CDH13: variants seen among roughly 807,000 people sequenced by gnomAD.
The protein encoded by CDH13 is cadherin 13.
In CDH13, 24 loss-of-function variants were observed where a neutral mutation model predicts 63.8. The observed-to-expected ratio is 0.38, with a 90% CI of 0.27 to 0.53. The LOEUF is 0.53. Ranked by LOEUF, CDH13 falls within the 20% of genes least tolerant of loss-of-function variation. The pLI, the probability that CDH13 is intolerant of heterozygous loss-of-function variation, is 0.85. For synonymous variants in CDH13, 503 were observed against 355.3 expected (o/e 1.42, Z -4.67); for missense variants, 1,049 against 903.1 (o/e 1.16, Z -2.07).
At chr16:83,202,489 A>G (rs1357840512) in intron 4 of CDH13, among the ~76,000 whole-genome samples, 1 of 152,098 alleles carries the variant, frequency 6.6e-6, no homozygotes, top group African/African-American at 2.4e-5. Flanking sequence ...AGAGTGAGAA[A>G]CCTCAAAGCT....
chr16:82,626,977 A>G lies in CDH13; in HGVS notation c.-116A>G, dbSNP rs1175377912. 4 of 1,167,304 alleles carry G rather than the reference A, an allele frequency of 3.4e-6. No homozygotes were observed. The highest frequency in any genetic ancestry group is 5.0e-6 in the Non-Finnish European group (4 of 797,460). 72.3% of individuals were successfully genotyped at this position (1,167,304 alleles called of 1,614,324 possible). A position where few individuals can be genotyped will look rare whatever the true frequency, so the allele number is the denominator to read the frequency against. ...GATGCTGCTGCTGATCTATTTGGGAAGTTGGCTGGCTGGCGAGGCAGAGCC... is the reference window on the plus strand; with the variant it reads ...GATGCTGCTGCTGATCTATTTGGGAGGTTGGCTGGCTGGCGAGGCAGAGCC... On this transcript the variant is annotated 5_prime_UTR_variant, in exon 1 of 14. Transcript: ENST00000567109.
chr16:83,029,977 G>GC (rs1916154612), intron 2 of CDH13, among the ~76,000 whole-genome samples: 1 of 152,168 alleles, frequency 6.6e-6, no homozygotes, highest in African/African-American at 2.4e-5. Context: ...AGGCAGACAG[G>GC]CAAATGCATG....
chr16:82,982,684 C>G (rs1910434199), intron 2 of CDH13, among the ~76,000 whole-genome samples: 1 of 152,168 alleles, frequency 6.6e-6, no homozygotes, highest in African/African-American at 2.4e-5. Context: ...TTTGCACCAA[C>G]CTAGTAGTTG....
At chr16:83,498,167 T>G (rs1598157968) in intron 7 of CDH13, among the ~76,000 whole-genome samples, 1 of 151,814 alleles carries the variant, frequency 6.6e-6, no homozygotes, top group East Asian at 1.9e-4. Flanking sequence ...CCCTGATAGG[T>G]GAGAGGAGAG....
rs146010559 is a variant in CDH13, at chr16:83,083,310, T to C, written c.367-42075T>C. On this transcript the variant is annotated intron_variant, in intron 3 of 13. Coordinates refer to ENST00000567109, the MANE Select transcript of CDH13 (RefSeq NM_001257.5). ...TGTTTCAGTAAAGCATTAGGACAAT[T>C]TACATAACTCTATACCGTACAGTAT... Among the ~76,000 whole-genome samples, 325 of 152,250 alleles carry C rather than the reference T, an allele frequency of 2.1e-3. 1 individual carries two copies. The highest frequency in any genetic ancestry group is 7.4e-3 in the African/African-American group (306 of 41,530).
At chr16:83,185,211 C>T (rs571688926) in intron 4 of CDH13, among the ~76,000 whole-genome samples, 4 of 152,150 alleles carry the variant, frequency 2.6e-5, no homozygotes, top group Non-Finnish European at 5.9e-5. Context: ...TGCTGGTCTA[C>T]ATTCATACCC....
intron 4 of CDH13, among the ~76,000 whole-genome samples, chr16:83,136,322 A>G (rs1483982296): frequency 6.6e-6 from 1 of 151,818 alleles, no homozygotes; most frequent in Non-Finnish European, 1.5e-5. Context: ...TCTCTACTAA[A>G]AAATACAACA....
At chr16:83,336,326 G>C (rs1311088167) in intron 5 of CDH13, among the ~76,000 whole-genome samples, 1 of 138,144 alleles carries the variant, frequency 7.2e-6, no homozygotes, top group Non-Finnish European at 1.6e-5. Context: ...AAAGAAATTT[G>C]GAATGAAAGC....
At chr16:83,406,652 G>T (rs1376468533) in intron 6 of CDH13, among the ~76,000 whole-genome samples, 1 of 152,100 alleles carries the variant, frequency 6.6e-6, no homozygotes, top group Non-Finnish European at 1.5e-5. Context: ...TTTTAGTAGA[G>T]ATGGGGTTTC....
intron 5 of CDH13, among the ~76,000 whole-genome samples, chr16:83,295,475 T>C (rs2089569871): frequency 6.6e-6 from 1 of 151,782 alleles, no homozygotes; most frequent in Non-Finnish European, 1.5e-5. Context: ...GTACATCTGA[T>C]AAAATAGAAA....
chr16:82,847,845 T>C (rs11150498), intron 1 of CDH13, among the ~76,000 whole-genome samples: 97,541 of 151,422 alleles, frequency 0.64, 31,949 homozygotes, highest in East Asian at 0.87. Context: ...AGGTTAGTTT[T>C]GGCTTTTTGC....
At chr16:83,226,710 C>T in intron 5 of CDH13, among the ~76,000 whole-genome samples, 1 of 152,158 alleles carries the variant, frequency 6.6e-6, no homozygotes, top group East Asian at 1.9e-4. Flanking sequence ...CCATTTTGTC[C>T]AGCCCAGCAG....
At chr16:82,761,105 C>T (rs1311950015) in intron 1 of CDH13, among the ~76,000 whole-genome samples, 4 of 135,674 alleles carry the variant, frequency 2.9e-5, no homozygotes, top group Non-Finnish European at 6.1e-5. Context: ...CTCACTGCAA[C>T]CTCTGCCTTC....
chr16:82,788,177 G>T (rs1416545367), intron 1 of CDH13, among the ~76,000 whole-genome samples: 1 of 152,186 alleles, frequency 6.6e-6, no homozygotes, highest in African/African-American at 2.4e-5. Flanking sequence ...CCTTCCTAGA[G>T]AGAGAGGAAA....
At chr16:82,890,372 C>G (rs1222277275) in intron 2 of CDH13, among the ~76,000 whole-genome samples, 2 of 152,184 alleles carry the variant, frequency 1.3e-5, no homozygotes, top group Admixed American at 6.5e-5. Flanking sequence ...ACCACCATCT[C>G]CAGCCTCAGC....
At chr16:82,830,110 G>C (rs1804496993) in intron 1 of CDH13, among the ~76,000 whole-genome samples, 1 of 152,146 alleles carries the variant, frequency 6.6e-6, no homozygotes, top group African/African-American at 2.4e-5. Context: ...CCCAGATGAG[G>C]GAGCAAAGTT....
intron 1 of CDH13, among the ~76,000 whole-genome samples, chr16:82,798,867 T>G (rs1260441002): frequency 6.6e-6 from 1 of 152,268 alleles, no homozygotes; most frequent in East Asian, 1.9e-4. Flanking sequence ...ATATCTTATT[T>G]AATAATAACA....
At chr16:83,332,748 C>G (rs1397407809) in intron 5 of CDH13, among the ~76,000 whole-genome samples, 2 of 152,134 alleles carry the variant, frequency 1.3e-5, no homozygotes, top group African/African-American at 4.8e-5. Flanking sequence ...TTCACTAGGA[C>G]TTTACTCAAG....
intron 3 of CDH13, among the ~76,000 whole-genome samples, chr16:83,044,513 C>G (rs1211997636): frequency 6.6e-6 from 1 of 152,180 alleles, no homozygotes; most frequent in Admixed American, 6.5e-5. Flanking sequence ...CTTGTGGAAA[C>G]AGCACGAGGT....
Sources: gnomAD v4.1 joint callset for allele counts (sites outside exome capture counted in the v4.1 genomes callset) on GRCh38, gnomAD v4.1.1 for gene constraint, MANE v1.5 for transcripts, NCBI Gene and HGNC (gene_info 2026-07-23, HGNC 2026-07-21) for gene names.